Variants in MEGF9 observed in about 807,000 individuals in gnomAD.
The protein encoded by MEGF9 is multiple epidermal growth factor-like domains protein 9.
Under a neutral mutation model 46.8 loss-of-function variants are expected in MEGF9, and 6 were observed. That is an observed-to-expected ratio of 0.13 (90% CI 0.07 to 0.25). MEGF9 has a LOEUF of 0.25. Among genes scored for constraint, MEGF9 ranks in the 10% least tolerant of loss-of-function variants. The pLI is 1.00. For missense variants in MEGF9, 683 were observed against 792.4 expected (o/e 0.86, Z 1.66); for synonymous variants, 302 against 330.7 (o/e 0.91, Z 0.94).
chr9:120,671,538 C>T (rs536320962), intron 1 of MEGF9, among the ~76,000 whole-genome samples: 9 of 152,334 alleles, frequency 5.9e-5, no homozygotes, highest in African/African-American at 2.2e-4. Flanking sequence ...ATGGACCAAT[C>T]TCTTGGAAAC....
chr9:120,634,241 A>T (rs921542691), intron 2 of MEGF9, among the ~76,000 whole-genome samples: 1 of 152,068 alleles, frequency 6.6e-6, no homozygotes, highest in Non-Finnish European at 1.5e-5. Context: ...CTCACTTTAG[A>T]TCTAATAATA....
chr9:120,682,795 C>T (rs550261499), intron 1 of MEGF9, among the ~76,000 whole-genome samples: 49 of 152,152 alleles, frequency 3.2e-4, no homozygotes, highest in African/African-American at 1.2e-3. Context: ...GTTAACCAGG[C>T]TGGTCTCAAA....
chr9:120,680,277 T>G (rs999751916), intron 1 of MEGF9, among the ~76,000 whole-genome samples: 1 of 152,202 alleles, frequency 6.6e-6, no homozygotes, highest in Non-Finnish European at 1.5e-5. Context: ...TATTGTAGTC[T>G]CCACAGTCTG....
intron 5 of MEGF9, among the ~76,000 whole-genome samples, chr9:120,607,250 C>T (rs1047279515): frequency 2.0e-5 from 3 of 152,142 alleles, no homozygotes; most frequent in African/African-American, 7.2e-5. Flanking sequence ...ATGTGGATAA[C>T]TTTTGCTTTT....
intron 1 of MEGF9, among the ~76,000 whole-genome samples, chr9:120,699,181 T>C (rs2132342354): frequency 6.6e-6 from 1 of 152,300 alleles, no homozygotes; most frequent in Non-Finnish European, 1.5e-5. Flanking sequence ...GTGGTGAATT[T>C]TTTCACATTT....
rs183413301 is a variant in MEGF9, at chr9:120,640,959, T to C, written c.804-18204A>G. Among the ~76,000 whole-genome samples, 13 of 151,468 alleles carry C rather than the reference T, an allele frequency of 8.6e-5. No homozygotes were observed. The East Asian group carries it at 2.3e-3, about 27-fold the overall frequency. The stretch of plus-strand genomic sequence containing the variant: ...CACTTATAAGTGAGAACATGTGGTA[T>C]TTGGTTTTCTGTTCCTGCATTAACT... On this transcript the variant is annotated intron_variant, in intron 2 of 5. Transcript: ENST00000373930.
chr9:120,621,967 G>A (rs1035446094), intron 3 of MEGF9, among the ~76,000 whole-genome samples: 18 of 152,270 alleles, frequency 1.2e-4, no homozygotes, highest in African/African-American at 4.1e-4. Flanking sequence ...TTGGTAATTT[G>A]AGCTTAGGTC....
chr9:120,630,584 A>G (rs888440490), intron 2 of MEGF9, among the ~76,000 whole-genome samples: 5 of 152,236 alleles, frequency 3.3e-5, no homozygotes, highest in Non-Finnish European at 5.9e-5. Flanking sequence ...AGGAACTTCC[A>G]TACTGTTTTT....
intron 1 of MEGF9, among the ~76,000 whole-genome samples, chr9:120,669,525 CT>C (rs1385154999): frequency 6.6e-6 from 1 of 151,070 alleles, no homozygotes; most frequent in Non-Finnish European, 1.5e-5. Flanking sequence ...CAAAAGAAAA[CT>C]AGTACAGCTA....
chr9:120,681,479 A>G (rs1304343482), intron 1 of MEGF9, among the ~76,000 whole-genome samples: 1 of 152,112 alleles, frequency 6.6e-6, no homozygotes, highest in Non-Finnish European at 1.5e-5. Context: ...TTGCTGCGAG[A>G]TGCACTGCCT....
chr9:120,688,153 AC>A (rs2043832051), intron 1 of MEGF9, among the ~76,000 whole-genome samples: 1 of 151,232 alleles, frequency 6.6e-6, no homozygotes, highest in Admixed American at 6.6e-5. Context: ...ACACACACAC[AC>A]ACACACACAC....
Position 120,605,707 on chromosome 9 carries a change from G to A in MEGF9, c.1358-66C>T. 8.5e-7 allele frequency: 1 copy of A among 1,179,800 alleles called. No homozygotes were observed. The highest frequency in any genetic ancestry group is 1.6e-5 in the South Asian group (1 of 63,788). The allele number at this position is 1,179,800 out of a possible 1,614,324, so 73.1% of individuals were successfully genotyped here. On this transcript the variant is annotated intron_variant, in intron 5 of 5. Coordinates refer to ENST00000373930, the MANE Select transcript of MEGF9 (RefSeq NM_001080497.3). The surrounding 1 kb of genome is among the most constrained non-coding windows in gnomAD (Gnocchi z 4.0). The stretch of plus-strand genomic sequence containing the variant: ...TATCTAGTTTTGAGAAACAATAAAA[G>A]AAATACGCATGGGAGTGAATGTTGA...
chr9:120,685,156 C>T (rs939612099), intron 1 of MEGF9, among the ~76,000 whole-genome samples: 3 of 152,168 alleles, frequency 2.0e-5, no homozygotes, highest in Admixed American at 2.0e-4. Flanking sequence ...TTTTTAAATG[C>T]GATTTTGGAA....
Position 120,607,790 on chromosome 9 carries a change from G to T in MEGF9, c.1308C>A (p.Asn436Lys), listed in dbSNP as rs781196686. Reference sequence around the variant, plus strand: ...GGTCGTGAACATAACCTTCTAGGCAGTTCTCACACCAAAACCCAGTGGTGT... The same window carrying T: ...GGTCGTGAACATAACCTTCTAGGCATTTCTCACACCAAAACCCAGTGGTGT... ...LHNTTGFWCE[N>K]CLEGYVHDLE... The change falls in exon 5 of 6, where the codon AAC becomes AAA. Residue 436 changes from asparagine (N) to lysine (K), a missense_variant. Physicochemically the swap from Asn to Lys is moderately conservative, Grantham distance 94. Around this residue, in one of 2 missense-constraint regions of MEGF9, gnomAD observed 313 missense variants for 421.1 expected, o/e 0.74. Coordinates refer to ENST00000373930, the MANE Select transcript of MEGF9 (RefSeq NM_001080497.3). 15 of 1,613,858 alleles carry T rather than the reference G, an allele frequency of 9.3e-6. No homozygotes were observed. The highest frequency in any genetic ancestry group is 1.6e-4 in the Middle Eastern group (1 of 6,084).
chr9:120,608,154 G>C (rs1234362380), intron 4 of MEGF9, 144 bp from the exon 5 acceptor site: 5 of 873,188 alleles, frequency 5.7e-6, no homozygotes, highest in Non-Finnish European at 8.7e-6. Context: ...AGGAGTTTGA[G>C]ACCAGCCTGG....
chr9:120,622,417 CTTT>C (rs59380409), intron 3 of MEGF9, among the ~76,000 whole-genome samples, 196 bp downstream of exon 3: 2 of 101,188 alleles, frequency 2.0e-5, no homozygotes, highest in Non-Finnish European at 3.9e-5. Flanking sequence ...AGGTATATGA[CTTT>C]TTTTTTTTTT....
chr9:120,631,930 C>T (rs2043552427), intron 2 of MEGF9, among the ~76,000 whole-genome samples: 1 of 151,790 alleles, frequency 6.6e-6, no homozygotes, highest in Admixed American at 6.6e-5. Context: ...TTCTCCTTCT[C>T]CTCCTCCTCT....
intron 2 of MEGF9, among the ~76,000 whole-genome samples, chr9:120,629,412 G>T (rs1190588519): frequency 6.6e-6 from 1 of 152,180 alleles, no homozygotes; most frequent in East Asian, 1.9e-4. Flanking sequence ...GGCCAAGGAA[G>T]GCAGATCACT....
chr9:120,666,186 C>T (rs75784870), intron 1 of MEGF9, among the ~76,000 whole-genome samples: 2,398 of 152,080 alleles, frequency 0.016, 58 homozygotes, highest in African/African-American at 0.054. Context: ...AGTACACTTG[C>T]TTTTTAATAT....
Sources: gnomAD v4.1 joint callset for allele counts (sites outside exome capture counted in the v4.1 genomes callset) on GRCh38, gnomAD v4.1.1 for gene constraint, gnomAD v4.1.1 regional missense constraint, Gnocchi (gnomAD v3.1) non-coding constraint, MANE v1.5 for transcripts, NCBI Gene and HGNC (gene_info 2026-07-23, HGNC 2026-07-21) for gene names.